Variants in ISCA2 observed in about 807,000 individuals in gnomAD.
The protein encoded by ISCA2 is iron-sulfur cluster assembly 2 homolog, mitochondrial.
A neutral mutation model predicts 19.1 loss-of-function variants in ISCA2; 21 were observed. That is an observed-to-expected ratio of 1.10 (90% CI 0.78 to 1.59). ISCA2 has a LOEUF of 1.59. Among genes scored for constraint, ISCA2 ranks in the 40% most tolerant of loss-of-function variants. The pLI, the probability that ISCA2 is intolerant of heterozygous loss-of-function variation, is 0.00. For synonymous variants in ISCA2, 107 were observed against 83.8 expected (o/e 1.28, Z -1.51); for missense variants, 181 against 191.7 (o/e 0.94, Z 0.33).
rs2086811553 is a variant in ISCA2, at chr14:74,493,848, A to G, written c.71+3A>G. 3 of 1,559,728 alleles carry G rather than the reference A, an allele frequency of 1.9e-6. No homozygotes were observed. The highest frequency in any genetic ancestry group is 2.3e-5 in the East Asian group (1 of 42,924). ...GTCACTCCCTGGCCGAGGGGCAGGT[A>G]CCAAGACTAGAAAGGCACCTGGAAA... On this transcript the variant is annotated splice_donor_region_variant and intron_variant, in intron 1 of 3. Coordinates refer to ENST00000556816, the MANE Select transcript of ISCA2 (RefSeq NM_194279.4). This position sits in a 1 kb window ranked among gnomAD's most constrained non-coding sequence, Gnocchi z 4.1.
chr14:74,493,787 T>G lies in ISCA2; in HGVS notation c.13T>G (p.Trp5Gly). 2.0e-6 allele frequency: 3 copies of G among 1,529,176 alleles called. No individual in the cohort carries two copies. Among genetic ancestry groups the G allele is most frequent in the Non-Finnish European group, 2.6e-6 (3 of 1,140,756 alleles). The allele number at this position is 1,529,176 out of a possible 1,614,324, so 94.7% of individuals were successfully genotyped here. A position where few individuals can be genotyped will look rare whatever the true frequency, so the allele number is the denominator to read the frequency against. ...CTTGTGGAGGAAGATGGCTGCCGCC[T>G]GGGGGTCGTCCCTAACGGCCGCGAC... MAAA[W>G]GSSLTAATQR... Residue 5 changes from tryptophan (W) to glycine (G), a missense_variant, in exon 1 of 4, where the codon TGG (tryptophan) becomes GGG (glycine). Transcript: ENST00000556816. The surrounding 1 kb of genome is among the most constrained non-coding windows in gnomAD (Gnocchi z 4.1).
Position 74,493,839 on chromosome 14 carries a change from G to T in ISCA2, c.65G>T (p.Arg22Met). The change falls in exon 1 of 4, where the codon AGG becomes ATG. Residue 22 changes from arginine (R) to methionine (M), a missense_variant. Transcript: ENST00000556816. The surrounding 1 kb of genome is among the most constrained non-coding windows in gnomAD (Gnocchi z 4.1). ...ATQRAVTPWP[R>M]GRLLTASLGP... is the part of the protein sequence containing the mutation. The stretch of plus-strand genomic sequence containing the variant: ...CAGAGAGCGGTCACTCCCTGGCCGA[G>T]GGGCAGGTACCAAGACTAGAAAGGC... 6.4e-7 allele frequency: 1 copy of T among 1,558,602 alleles called. No homozygotes were observed. Among genetic ancestry groups the T allele is most frequent in the Admixed American group, 2.0e-5 (1 of 49,136 alleles).
rs1213926052 is a variant in ISCA2, at chr14:74,495,384, G to C, written c.*384G>C. ...TTAAAGAAGGTTCTTATTGTGTTGT[G>C]GATCAGGGTCACAGATTGGGTAGCT... On this transcript the variant is annotated 3_prime_UTR_variant, in exon 4 of 4. Coordinates refer to ENST00000556816, the MANE Select transcript of ISCA2 (RefSeq NM_194279.4). 1 of 158,772 alleles carries C rather than the reference G, an allele frequency of 6.3e-6. No homozygotes were observed. Among genetic ancestry groups the C allele is most frequent in the Admixed American group, 6.4e-5 (1 of 15,508 alleles). 9.8% of individuals were successfully genotyped at this position (158,772 alleles called of 1,614,324 possible).
rs1368447013 is a variant in ISCA2, at chr14:74,493,783, C to T, written c.9C>T (p.Ala3=). The T allele has an allele frequency of 2.6e-6, 4 of 1,523,578 alleles. No individual in the cohort carries two copies. Among genetic ancestry groups the T allele is most frequent in the South Asian group, 1.2e-5 (1 of 80,108 alleles). 94.4% of individuals were successfully genotyped at this position (1,523,578 alleles called of 1,614,324 possible). ...GGAGCTTGTGGAGGAAGATGGCTGCCGCCTGGGGGTCGTCCCTAACGGCCG... is the reference window on the plus strand; with the variant it reads ...GGAGCTTGTGGAGGAAGATGGCTGCTGCCTGGGGGTCGTCCCTAACGGCCG... MA[A]AWGSSLTAAT... is the part of the protein sequence containing the mutation. The change falls in exon 1 of 4, where the codon GCC becomes GCT. Residue 3 remains alanine (A), a synonymous_variant. Coordinates refer to ENST00000556816, the MANE Select transcript of ISCA2 (RefSeq NM_194279.4). The surrounding 1 kb of genome is among the most constrained non-coding windows in gnomAD (Gnocchi z 4.1).
chr14:74,494,044 G>C lies in ISCA2; in HGVS notation c.72-6G>C. 1 of 1,535,664 alleles carries C rather than the reference G, an allele frequency of 6.5e-7. No individual in the cohort carries two copies. The highest frequency in any genetic ancestry group is 8.8e-7 in the Non-Finnish European group (1 of 1,142,580). On this transcript the variant is annotated splice_polypyrimidine_tract_variant and splice_region_variant and intron_variant, in intron 1 of 3. Coordinates refer to ENST00000556816, the MANE Select transcript of ISCA2 (RefSeq NM_194279.4). ...TCCCGGGCTCACCCTCCTCCCTTGC[G>C]CGCAGGCTCCTCACGGCCTCCCTGG... is the stretch of plus-strand genomic sequence containing the variant.
In ISCA2 at chr14:74,496,624, A is replaced by G. The variant is rs1212044955; in HGVS notation, c.*1624A>G. ...GATTTTGCTACATTTTAAACATTAG[A>G]ATATATTCTTTAAGAATATTTTTGT... is the stretch of plus-strand genomic sequence containing the variant. On this transcript the variant is annotated 3_prime_UTR_variant, in exon 4 of 4. Transcript: ENST00000556816. The G allele has an allele frequency of 6.6e-6, 1 of 152,200 alleles. No homozygotes were observed. The highest frequency in any genetic ancestry group is 1.9e-4 in the East Asian group (1 of 5,204). 9.4% of individuals were successfully genotyped at this position (152,200 alleles called of 1,614,324 possible).
chr14:74,494,770 G>A, intron 3 of ISCA2, 56 bp from the exon 4 acceptor site: 1 of 1,499,212 alleles, frequency 6.7e-7, no homozygotes, highest in Non-Finnish European at 9.2e-7. Context: ...CTGGGCTCAG[G>A]GGGTGTCTTT....
intron 3 of ISCA2, 139 bp from the exon 4 acceptor site, chr14:74,494,687 A>G: frequency 1.4e-6 from 1 of 718,326 alleles, no homozygotes; most frequent in Non-Finnish European, 2.3e-6. Flanking sequence ...ATTTTGCCTC[A>G]AAGAAAATCA....
In ISCA2 at chr14:74,495,884, T is replaced by A. The variant is rs1399132638; in HGVS notation, c.*884T>A. The A allele has an allele frequency of 6.6e-6, 1 of 152,202 alleles. No individual in the cohort carries two copies. The highest frequency in any genetic ancestry group is 2.4e-5 in the African/African-American group (1 of 41,446). The allele number at this position is 152,202 out of a possible 1,614,324, so 9.4% of individuals were successfully genotyped here. The stretch of plus-strand genomic sequence containing the variant: ...TTAAATTTGAATTTCAGGTAAATAA[T>A]TTTTTAGTATGCATATGTCTCAAAT... On this transcript the variant is annotated 3_prime_UTR_variant, in exon 4 of 4. Transcript: ENST00000556816.
rs1284479236 is a variant in ISCA2 at position 74,496,594 on chromosome 14, A to C, written c.*1594A>C. ...GACTACCTGTCCTTTCATCCTCCTTAAAAAGATTTTGCTACATTTTAAACA... is the reference window on the plus strand; with the variant it reads ...GACTACCTGTCCTTTCATCCTCCTTCAAAAGATTTTGCTACATTTTAAACA... On this transcript the variant is annotated 3_prime_UTR_variant, in exon 4 of 4. Transcript: ENST00000556816. 6.6e-6 allele frequency: 1 copy of C among 152,228 alleles called. No individual in the cohort carries two copies. Among genetic ancestry groups the C allele is most frequent in the African/African-American group, 2.4e-5 (1 of 41,460 alleles). The allele number at this position is 152,228 out of a possible 1,614,324, so 9.4% of individuals were successfully genotyped here.
chr14:74,494,829 A>G lies in ISCA2; in HGVS notation c.294A>G (p.Val98=), dbSNP rs776110183. ...LDTVINPDDR[V]FEQGGARVVV... ...TGCCTTCCTCCTGTCTTTTCAGGGT[A>G]TTTGAACAGGGTGGGGCAAGAGTGG... is the stretch of plus-strand genomic sequence containing the variant. Residue 98 remains valine, a synonymous_variant, in exon 4 of 4, where the codon GTA becomes GTG. Transcript: ENST00000556816. 6.2e-7 allele frequency: 1 copy of G among 1,613,834 alleles called. No individual in the cohort carries two copies. Among genetic ancestry groups the G allele is most frequent in the Non-Finnish European group, 8.5e-7 (1 of 1,179,832 alleles).
At position 74,495,701 on chromosome 14, in the gene ISCA2, A is replaced by G. The variant is rs2086839659; in HGVS notation, c.*701A>G. Reference sequence around the variant, plus strand: ...TTTAAGATTCTGTGACAATTTAATGACTGAATCTTTTTAGGATATGTTGCT... The same window carrying G: ...TTTAAGATTCTGTGACAATTTAATGGCTGAATCTTTTTAGGATATGTTGCT... On this transcript the variant is annotated 3_prime_UTR_variant, in exon 4 of 4. Coordinates refer to ENST00000556816, the MANE Select transcript of ISCA2 (RefSeq NM_194279.4). 1 of 152,188 alleles carries G rather than the reference A, an allele frequency of 6.6e-6. No individual in the cohort carries two copies. Among genetic ancestry groups the G allele is most frequent in the Non-Finnish European group, 1.5e-5 (1 of 68,040 alleles). 9.4% of individuals were successfully genotyped at this position (152,188 alleles called of 1,614,324 possible).
chr14:74,496,466 G>C lies in ISCA2; in HGVS notation c.*1466G>C, dbSNP rs1053852377. On this transcript the variant is annotated 3_prime_UTR_variant, in exon 4 of 4. Coordinates refer to ENST00000556816, the MANE Select transcript of ISCA2 (RefSeq NM_194279.4). ...CAGAAACCTGAGCACATTTCTTAGA[G>C]CTGGTGGAAGGAGGCAGAAAGCAGC... The C allele has an allele frequency of 1.3e-5, 2 of 152,220 alleles. No individual in the cohort carries two copies. The highest frequency in any genetic ancestry group is 2.9e-5 in the Non-Finnish European group (2 of 68,066). 9.4% of individuals were successfully genotyped at this position (152,220 alleles called of 1,614,324 possible).
Position 74,494,813 on chromosome 14 carries a change from C to A in ISCA2, c.291-13C>A. ...TTGCGATACTCCTTAATGCCTTCCT[C>A]CTGTCTTTTCAGGGTATTTGAACAG... On this transcript the variant is annotated splice_polypyrimidine_tract_variant and intron_variant, in intron 3 of 3. Transcript: ENST00000556816. The A allele has an allele frequency of 6.2e-7, 1 of 1,613,198 alleles. No homozygotes were observed. The highest frequency in any genetic ancestry group is 1.3e-5 in the African/African-American group (1 of 75,008).
At position 74,494,336 on chromosome 14, in the gene ISCA2, G is replaced by A. The variant is rs1455107217; in HGVS notation, c.236G>A (p.Cys79Tyr). Residue 79 changes from cysteine (C) to tyrosine (Y), a missense_variant, in exon 3 of 4, where the codon TGC (cysteine) becomes TAC (tyrosine). Cys to Tyr is a radical substitution (Grantham distance 194). Coordinates refer to ENST00000556816, the MANE Select transcript of ISCA2 (RefSeq NM_194279.4). ...AGGCTGCAAGTGGAGGGAGGTGGATGCTCCGGATTCCAATACAAATTTTCA... is the reference window on the plus strand; with the variant it reads ...AGGCTGCAAGTGGAGGGAGGTGGATACTCCGGATTCCAATACAAATTTTCA... ...FLRLQVEGGG[C>Y]SGFQYKFSLD... 6.2e-7 allele frequency: 1 copy of A among 1,614,062 alleles called. No homozygotes were observed. Among genetic ancestry groups the A allele is most frequent in the Non-Finnish European group, 8.5e-7 (1 of 1,180,026 alleles).
chr14:74,495,070 C>G lies in ISCA2; in HGVS notation c.*70C>G. 1 of 1,184,342 alleles carries G rather than the reference C, an allele frequency of 8.4e-7. No individual in the cohort carries two copies. The highest frequency in any genetic ancestry group is 1.2e-6 in the Non-Finnish European group (1 of 813,852). 73.4% of individuals were successfully genotyped at this position (1,184,342 alleles called of 1,614,324 possible). ...TGAAGAACCTGGAATTAGTAGAATT[C>G]TAGAAGTTTACTTCTAATCATGTCC... On this transcript the variant is annotated 3_prime_UTR_variant, in exon 4 of 4. Coordinates refer to ENST00000556816, the MANE Select transcript of ISCA2 (RefSeq NM_194279.4).
In ISCA2 at chr14:74,494,366, AT is replaced by A. The variant is rs757452858; in HGVS notation, c.267del (p.Asp89GlufsTer28). 1 of 1,613,990 alleles carries A rather than the reference AT, an allele frequency of 6.2e-7. No homozygotes were observed. The highest frequency in any genetic ancestry group is 2.2e-5 in the East Asian group (1 of 44,888). ...GGATTCCAATACAAATTTTCACTGG[AT>A]ACAGTTATCAACCCCGACGACAGGC... ...CSGFQYKFSL[D>X]TVINPDDRVF... On this transcript the variant is annotated frameshift_variant, in exon 3 of 4. Transcript: ENST00000556816. LOFTEE classifies it high-confidence loss of function.
rs753939036 is a variant in ISCA2, at chr14:74,494,883, G to A, written c.348G>A (p.Val116=). ...VVVDSDSLAF[V]KGAQVDFSQE... is the part of the protein sequence containing the mutation. ...TTGACTCTGATAGCTTGGCCTTCGT[G>A]AAAGGGGCCCAGGTGGACTTCAGCC... is the stretch of plus-strand genomic sequence containing the variant. The change falls in exon 4 of 4, where the codon GTG becomes GTA. Residue 116 remains valine, a synonymous_variant. Coordinates refer to ENST00000556816, the MANE Select transcript of ISCA2 (RefSeq NM_194279.4). 1.2e-6 allele frequency: 2 copies of A among 1,614,190 alleles called. No homozygotes were observed. The highest frequency in any genetic ancestry group is 2.2e-5 in the South Asian group (2 of 91,082).
At position 74,496,427 on chromosome 14, in the gene ISCA2, G is replaced by C. The variant is rs752837987; in HGVS notation, c.*1427G>C. Reference sequence around the variant, plus strand: ...ACAAACCTATCATGCGGTTAGAGGAGAGAAGGGGACACTCAGAAACCTGAG... The same window carrying C: ...ACAAACCTATCATGCGGTTAGAGGACAGAAGGGGACACTCAGAAACCTGAG... On this transcript the variant is annotated 3_prime_UTR_variant, in exon 4 of 4. Transcript: ENST00000556816. The C allele has an allele frequency of 1.3e-5, 2 of 152,220 alleles. No homozygotes were observed. Among genetic ancestry groups the C allele is most frequent in the Non-Finnish European group, 1.5e-5 (1 of 68,046 alleles). The allele number at this position is 152,220 out of a possible 1,614,324, so 9.4% of individuals were successfully genotyped here.
Sources: allele counts gnomAD v4.1 joint callset, GRCh38; gene constraint gnomAD v4.1.1; non-coding constraint Gnocchi (gnomAD v3.1); transcripts MANE v1.5; gene names NCBI Gene and HGNC (gene_info 2026-07-23, HGNC 2026-07-21).